SEMA5B: variants seen among roughly 807,000 people sequenced by gnomAD.
SEMA5B encodes the protein semaphorin-5B.
SEMA5B carries 66 observed loss-of-function variants against 135.0 expected under a neutral mutation model. The ratio of observed to expected loss-of-function variants is 0.49; its 90% CI spans 0.40 to 0.60. The LOEUF is 0.60. Ranked by LOEUF, SEMA5B falls within the 20% of genes least tolerant of loss-of-function variation. The pLI is 0.00. For synonymous variants in SEMA5B, 690 were observed against 639.5 expected (o/e 1.08, Z -1.19); for missense variants, 1,501 against 1,566.3 (o/e 0.96, Z 0.70).
At chr3:122,950,870 AGGGTGTATC>A (rs1940015750) in intron 2 of SEMA5B, among the ~76,000 whole-genome samples, 1 of 152,262 alleles carries the variant, frequency 6.6e-6, no homozygotes, top group Non-Finnish European at 1.5e-5. Context: ...CAAATAACCT[AGGGTGTATC>A]TTCACAATGG....
chr3:122,935,086 G>C (rs552241904), intron 5 of SEMA5B, among the ~76,000 whole-genome samples: 1 of 152,030 alleles, frequency 6.6e-6, no homozygotes, highest in Non-Finnish European at 1.5e-5. Flanking sequence ...ATGAAATTAC[G>C]TGATAAAAAA....
rs1937606262 is a variant in SEMA5B, at chr3:122,909,722, G to C, written c.*421C>G. On this transcript the variant is annotated 3_prime_UTR_variant, in exon 23 of 23. Transcript: ENST00000357599. Reference sequence around the variant, plus strand: ...CAGAGATAATCAGGATGTAGCAAAGGCCTTTTTTGGGGCCAGCTGGAGAAG... The same window carrying C: ...CAGAGATAATCAGGATGTAGCAAAGCCCTTTTTTGGGGCCAGCTGGAGAAG... The C allele has an allele frequency of 6.2e-6, 1 of 160,508 alleles. No homozygotes were observed. Among genetic ancestry groups the C allele is most frequent in the South Asian group, 1.9e-4 (1 of 5,174 alleles). 9.9% of individuals were successfully genotyped at this position (160,508 alleles called of 1,614,324 possible).
chr3:122,984,210 C>T (rs954090552), intron 1 of SEMA5B, among the ~76,000 whole-genome samples: 85 of 152,362 alleles, frequency 5.6e-4, no homozygotes, highest in African/African-American at 1.8e-3. Flanking sequence ...TAGGGCCATC[C>T]CTCAGGGATT....
Position 122,927,966 on chromosome 3 carries a change from C to A in SEMA5B, c.674G>T (p.Gly225Val). The change falls in exon 8 of 23, where the codon GGT becomes GTT. Residue 225 changes from glycine (G) to valine (V), a missense_variant. By Grantham distance (109) the Gly-to-Val change is moderately radical (BLOSUM62 -3). Around this residue, in one of 2 missense-constraint regions of SEMA5B, gnomAD observed 574 missense variants for 684.7 expected, o/e 0.84. Coordinates refer to ENST00000357599, the MANE Select transcript of SEMA5B (RefSeq NM_001031702.4). The part of the protein sequence containing the change: ...NLSRTIEKIN[G>V]VARCPYDPRH... Reference sequence around the variant, plus strand: ...TGGGTCATAGGGGCAGCGGGCCACACCATTGATCTTCTCAATAGTCCGGCT... The same window carrying A: ...TGGGTCATAGGGGCAGCGGGCCACAACATTGATCTTCTCAATAGTCCGGCT... 6.5e-7 allele frequency: 1 copy of A among 1,539,360 alleles called. No individual in the cohort carries two copies.
At chr3:122,942,884 T>G (rs1302088507) in intron 4 of SEMA5B, among the ~76,000 whole-genome samples, 1 of 152,206 alleles carries the variant, frequency 6.6e-6, no homozygotes, top group Non-Finnish European at 1.5e-5. Flanking sequence ...TGTGGTTTCA[T>G]GAGGAATGAG....
chr3:122,930,070 A>G (rs949989295), intron 5 of SEMA5B, among the ~76,000 whole-genome samples: 2 of 152,130 alleles, frequency 1.3e-5, no homozygotes, highest in African/African-American at 4.8e-5. Context: ...CTGTCTTCCA[A>G]ATGGGGAGGG....
At chr3:123,016,890 A>ATTT (rs59106085) in intron 1 of SEMA5B, among the ~76,000 whole-genome samples, 4 of 108,734 alleles carry the variant, frequency 3.7e-5, no homozygotes, top group Admixed American at 1.8e-4. Context: ...CCTCAGGTGC[A>ATTT]TTTTTTTTTT....
intron 1 of SEMA5B, among the ~76,000 whole-genome samples, chr3:123,023,699 C>T (rs1164526731): frequency 6.6e-6 from 1 of 152,186 alleles, no homozygotes; most frequent in Non-Finnish European, 1.5e-5. Context: ...GTCAGGTCCC[C>T]CAGACAAACC....
chr3:122,925,789 G>A (rs1390031892), intron 9 of SEMA5B, among the ~76,000 whole-genome samples: 1 of 152,058 alleles, frequency 6.6e-6, no homozygotes, highest in Non-Finnish European at 1.5e-5. Context: ...GCAGCCCAAA[G>A]GCTTTGGGCT....
chr3:122,989,217 C>A (rs1941794728), intron 1 of SEMA5B, among the ~76,000 whole-genome samples: 2 of 152,188 alleles, frequency 1.3e-5, no homozygotes, highest in Admixed American at 1.3e-4. Flanking sequence ...CCACAGATGG[C>A]CCCTTGTCCC....
chr3:123,007,443 C>G (rs1439276381), intron 1 of SEMA5B, among the ~76,000 whole-genome samples: 1 of 152,222 alleles, frequency 6.6e-6, no homozygotes, highest in African/African-American at 2.4e-5. Context: ...CTTATCCATA[C>G]TGCTATGGTC....
chr3:122,928,986 G>A lies in SEMA5B; in HGVS notation c.537+10C>T. Reference sequence around the variant, plus strand: ...CCAGGTGGGGCCCCTGGACCGCCGAGACCACGTACCTCAGTCTTCCCTTTG... The same window carrying A: ...CCAGGTGGGGCCCCTGGACCGCCGAAACCACGTACCTCAGTCTTCCCTTTG... On this transcript the variant is annotated intron_variant, in intron 6 of 22. Coordinates refer to ENST00000357599, the MANE Select transcript of SEMA5B (RefSeq NM_001031702.4). 2 of 1,611,826 alleles carry A rather than the reference G, an allele frequency of 1.2e-6. No individual in the cohort carries two copies. The highest frequency in any genetic ancestry group is 1.7e-6 in the Non-Finnish European group (2 of 1,179,998).
At chr3:122,922,730 C>T (rs1038689476) in intron 10 of SEMA5B, among the ~76,000 whole-genome samples, 4 of 152,180 alleles carry the variant, frequency 2.6e-5, no homozygotes, top group African/African-American at 9.7e-5. Flanking sequence ...TATCTAAAAA[C>T]GGATACTTTG....
chr3:122,911,977 T>A lies in SEMA5B; in HGVS notation c.2989A>T (p.Ser997Cys). 6.2e-7 allele frequency: 1 copy of A among 1,613,144 alleles called. No individual in the cohort carries two copies. The highest frequency in any genetic ancestry group is 1.3e-5 in the African/African-American group (1 of 74,996). Residue 997 changes from serine (S) to cysteine (C), a missense_variant, in exon 20 of 23, where the codon AGC becomes TGC. Ser to Cys is a moderately radical substitution (Grantham distance 112). Around this residue, in one of 2 missense-constraint regions of SEMA5B, gnomAD observed 927 missense variants for 881.6 expected, o/e 1.05. Coordinates refer to ENST00000357599, the MANE Select transcript of SEMA5B (RefSeq NM_001031702.4). ...TGGCTGCTGTTTCCAGCACAGGCGC[T>A]GGACCCTGGGAGGAGCTCCTCACAG... ...RHCEELLPGS[S>C]ACAGNSSQSR... is the part of the protein sequence containing the mutation.
chr3:122,969,146 CT>C (rs1941007037), intron 1 of SEMA5B, among the ~76,000 whole-genome samples: 1 of 152,192 alleles, frequency 6.6e-6, no homozygotes, highest in Non-Finnish European at 1.5e-5. Flanking sequence ...ATAAAATAAG[CT>C]TTACTGCCTC....
Position 122,913,986 on chromosome 3 carries a change from G to A in SEMA5B, c.2004C>T (p.Thr668=). 6.3e-7 allele frequency: 1 copy of A among 1,598,860 alleles called. No individual in the cohort carries two copies. The change falls in exon 15 of 23, where the codon ACC becomes ACT. Residue 668 remains threonine, a synonymous_variant. Transcript: ENST00000357599. ...TGCACAGCGCCCACGATGACCACGG[G>A]GTCCACGCCCCATTCCTGGCGGGGT... is the stretch of plus-strand genomic sequence containing the variant. ...IANCSRNGAW[T]PWSSWALCST...
At chr3:123,015,256 A>G (rs527342787) in intron 1 of SEMA5B, among the ~76,000 whole-genome samples, 31 of 152,314 alleles carry the variant, frequency 2.0e-4, no homozygotes, top group Non-Finnish European at 3.4e-4. Context: ...GAAAACTAAT[A>G]CAAACACAAA....
At position 122,950,795 on chromosome 3, in the gene SEMA5B, T is replaced by G. The variant is rs910493305; in HGVS notation, c.125-2086A>C. ...GTGACTTACGAATGAGATTGTTCAT[T>G]GTGCCATCCTTTGAAAGAACAGAAA... is the stretch of plus-strand genomic sequence containing the variant. On this transcript the variant is annotated intron_variant, in intron 2 of 22. Coordinates refer to ENST00000357599, the MANE Select transcript of SEMA5B (RefSeq NM_001031702.4). 5.9e-5 allele frequency among the ~76,000 whole-genome samples: 9 copies of G among 152,238 alleles called. 1 individual carries two copies. The highest frequency in any genetic ancestry group is 3.9e-4 in the Admixed American group (6 of 15,282).
intron 12 of SEMA5B, among the ~76,000 whole-genome samples, chr3:122,919,237 C>G (rs1417151149): frequency 1.3e-5 from 2 of 151,938 alleles, no homozygotes; most frequent in East Asian, 1.9e-4. Context: ...CATGGGGCAG[C>G]CAGGGGAGAT....
Sources: allele counts gnomAD v4.1 joint callset (sites outside exome capture counted in the v4.1 genomes callset), GRCh38; gene constraint gnomAD v4.1.1; regional missense constraint gnomAD v4.1.1; transcripts MANE v1.5; gene names NCBI Gene and HGNC (gene_info 2026-07-23, HGNC 2026-07-21).